The following PARG variants were observed in gnomAD, a reference collection of about 807,000 sequenced individuals.
PARG encodes poly(ADP-ribose) glycohydrolase, also known as mitochondrial poly(ADP-ribose) glycohydrolase.
Under a neutral mutation model 113.0 loss-of-function variants are expected in PARG, and 35 were observed. That is an observed-to-expected ratio of 0.31 (90% CI 0.24 to 0.41). The LOEUF is 0.41. Among genes scored for constraint, PARG ranks in the 10% least tolerant of loss-of-function variants. The pLI is 1.00. For missense variants in PARG, 797 were observed against 1,169.4 expected, an observed-to-expected ratio of 0.68 and a Z score of 4.64; for synonymous variants, 330 against 409.9, an observed-to-expected ratio of 0.81 and a Z score of 2.36.
chr10:49,925,315 C>A (rs1327732917), intron 4 of PARG, among the ~76,000 whole-genome samples: 1 of 152,100 alleles, frequency 6.6e-6, no homozygotes, highest in Non-Finnish European at 1.5e-5. Flanking sequence ...CATGATAAAA[C>A]CTTGGTCTTT....
intron 10 of PARG, 58 bp from the exon 11 acceptor site, chr10:49,865,439 A>G: frequency 2.1e-6 from 1 of 469,150 alleles, no homozygotes; most frequent in Non-Finnish European, 3.8e-6. Context: ...TGAAAAGATT[A>G]TACACACACA....
intron 4 of PARG, among the ~76,000 whole-genome samples, chr10:49,927,345 G>GGAAAGAAA (rs2132936781): frequency 1.1e-5 from 1 of 88,026 alleles, no homozygotes; most frequent in South Asian, 4.0e-4. Context: ...AAGGAAGGAA[G>GGAAAGAAA]GAAGGAAAGA....
Position 49,832,812 on chromosome 10 carries a change from T to C in PARG, c.2638A>G (p.Arg880Gly). 2 of 1,536,568 alleles carry C rather than the reference T, an allele frequency of 1.3e-6. No individual in the cohort carries two copies. The highest frequency in any genetic ancestry group is 1.8e-6 in the Non-Finnish European group (2 of 1,134,418). ...WGCGAFGGDARLKALIQILAA... is the reference protein window; with the variant it reads ...WGCGAFGGDAGLKALIQILAA... ...TTCTACAACAACTTACCTTTTAACC[T>C]GGCATCACCCCCAAAGGCACCACAG... The change falls in exon 16 of 18, where the codon AGG (arginine) becomes GGG (glycine). Residue 880 changes from arginine to glycine, a missense_variant. Physicochemically the swap from Arg to Gly is moderately radical, Grantham distance 125. Coordinates refer to ENST00000616448, the MANE Select transcript of PARG (RefSeq NM_003631.5).
chr10:49,899,174 A>C (rs1422973047), intron 7 of PARG, among the ~76,000 whole-genome samples: 1 of 152,242 alleles, frequency 6.6e-6, no homozygotes, highest in Non-Finnish European at 1.5e-5. Flanking sequence ...TAAGTTGATT[A>C]AACTGTCTAT....
At position 49,832,858 on chromosome 10, in the gene PARG, T is replaced by G. The variant is rs564618179; in HGVS notation, c.2592A>C (p.Ala864=). 640 of 1,550,914 alleles carry G rather than the reference T, an allele frequency of 4.1e-4. 4 individuals are homozygous for G. Among genetic ancestry groups the G allele is most frequent in the South Asian group, 3.4e-3 (286 of 84,032 alleles). The change falls in exon 16 of 18, where the codon GCA becomes GCC. Residue 864 remains alanine (A), a synonymous_variant. Coordinates refer to ENST00000616448, the MANE Select transcript of PARG (RefSeq NM_003631.5). ...CACAGCCCCAGTTTCCTGTGGCCACTGCAGAAAGATTCTCTGAAGAAACTC... is the reference window on the plus strand; with the variant it reads ...CACAGCCCCAGTTTCCTGTGGCCACGGCAGAAAGATTCTCTGAAGAAACTC... The part of the protein sequence containing the change: ...RPGVSSENLS[A]VATGNWGCGA...
At chr10:49,852,601 G>A (rs1345812433) in intron 13 of PARG, among the ~76,000 whole-genome samples, 19 of 146,586 alleles carry the variant, frequency 1.3e-4, no homozygotes, top group African/African-American at 2.5e-5. Flanking sequence ...GTCTCACTCT[G>A]TCACTCAGGC....
At chr10:49,895,746 G>A (rs1297647714) in intron 7 of PARG, among the ~76,000 whole-genome samples, 2 of 151,992 alleles carry the variant, frequency 1.3e-5, no homozygotes, top group Non-Finnish European at 2.9e-5. Flanking sequence ...TCCGGTCCAT[G>A]AGCATGGTAG....
chr10:49,929,593 C>T (rs1161857383), intron 4 of PARG, among the ~76,000 whole-genome samples: 125 of 152,298 alleles, frequency 8.2e-4, no homozygotes, highest in Non-Finnish European at 1.3e-3. Context: ...TTTGGAAGGA[C>T]GAGGTGGGCA....
intron 6 of PARG, among the ~76,000 whole-genome samples, chr10:49,917,363 C>T (rs1837542049): frequency 1.3e-5 from 2 of 151,612 alleles, no homozygotes; most frequent in African/African-American, 2.4e-5. Context: ...GTGGCATATG[C>T]TTGTAATCCC....
intron 7 of PARG, among the ~76,000 whole-genome samples, chr10:49,915,411 T>C (rs1194781042): frequency 2.6e-5 from 4 of 152,144 alleles, no homozygotes; most frequent in Non-Finnish European, 4.4e-5. Flanking sequence ...ACTGGCAGCA[T>C]AGTAAATTGC....
chr10:49,880,054 T>C (rs1419551761), intron 8 of PARG, among the ~76,000 whole-genome samples: 2 of 150,892 alleles, frequency 1.3e-5, no homozygotes, highest in Non-Finnish European at 3.0e-5. Flanking sequence ...TCAATAATAA[T>C]GATAGTGAAG....
intron 10 of PARG, among the ~76,000 whole-genome samples, chr10:49,865,871 G>A (rs1554836811): frequency 6.6e-6 from 1 of 151,374 alleles, no homozygotes; most frequent in African/African-American, 2.4e-5. Context: ...ATATGGTAAA[G>A]TGAAATGCCA....
At chr10:49,821,491 T>A (rs1475017916) in intron 16 of PARG, among the ~76,000 whole-genome samples, 2 of 152,260 alleles carry the variant, frequency 1.3e-5, no homozygotes, top group African/African-American at 4.8e-5. Flanking sequence ...GCGATTCTCC[T>A]GCCTCAGCCT....
At chr10:49,828,229 G>A (rs191184958) in intron 16 of PARG, among the ~76,000 whole-genome samples, 28 of 151,598 alleles carry the variant, frequency 1.8e-4, no homozygotes, top group Admixed American at 6.6e-4. Flanking sequence ...ACCAAAGGGT[G>A]ACAAGCCCCT....
chr10:49,941,580 C>G lies in PARG; in HGVS notation c.146G>C (p.Arg49Thr), dbSNP rs1198027759. Residue 49 changes from arginine (R) to threonine (T), a missense_variant, in exon 1 of 18, where the codon AGG (arginine) becomes ACG (threonine). This residue lies in a region of PARG where 284 missense variants were observed against 306.1 expected (regional missense o/e 0.93). Transcript: ENST00000616448. ...LDPKDAHVQF[R>T]VPPSSPACVP... ...GCAGGCTGGCGAGGACGGTGGGACC[C>G]TGAACTGCACGTGAGCGTCCTTGGG... 1.9e-6 allele frequency: 3 copies of G among 1,565,366 alleles called. No homozygotes were observed. The Admixed American group carries it at 5.6e-5, about 29-fold the overall frequency.
chr10:49,836,198 A>G (rs1405316526), intron 15 of PARG, among the ~76,000 whole-genome samples: 2 of 152,024 alleles, frequency 1.3e-5, no homozygotes, highest in African/African-American at 4.8e-5. Flanking sequence ...TATTGTTCCT[A>G]AAGTTACTCA....
chr10:49,819,666 A>C (rs144852998), intron 17 of PARG, among the ~76,000 whole-genome samples, 172 bp from the exon 18 acceptor site: 1 of 152,250 alleles, frequency 6.6e-6, no homozygotes, highest in South Asian at 2.1e-4. Flanking sequence ...AAATTAAACA[A>C]GATTTTTAAC....
Position 49,879,727 on chromosome 10 carries a change from C to T in PARG, c.1934G>A (p.Arg645Gln), listed in dbSNP as rs1206004138. The change falls in exon 9 of 18, where the codon CGA becomes CAA. Residue 645 changes from arginine to glutamine, a missense_variant. Coordinates refer to ENST00000616448, the MANE Select transcript of PARG (RefSeq NM_003631.5). ...ATACTCCGATTTCATCTTAGCATTT[C>T]GTCGTGGAAATGTGCAGAAGAAAGC... is the stretch of plus-strand genomic sequence containing the variant. Reference protein sequence around the residue: ...ANAFFCTFPRRNAKMKSEYSS... With the variant: ...ANAFFCTFPRQNAKMKSEYSS... 5.1e-6 allele frequency: 8 copies of T among 1,581,312 alleles called. No homozygotes were observed. The highest frequency in any genetic ancestry group is 4.0e-5 in the African/African-American group (3 of 74,472).
intron 7 of PARG, among the ~76,000 whole-genome samples, chr10:49,897,419 T>C (rs1848140838): frequency 6.6e-6 from 1 of 152,192 alleles, no homozygotes. Flanking sequence ...TGACTGCCCC[T>C]TACTCTATGA....
Sources: gnomAD v4.1 joint callset for allele counts (sites outside exome capture counted in the v4.1 genomes callset) on GRCh38, gnomAD v4.1.1 for gene constraint, gnomAD v4.1.1 regional missense constraint, MANE v1.5 for transcripts, NCBI Gene and HGNC (gene_info 2026-07-23, HGNC 2026-07-21) for gene names.